PPP3CA: variants seen among roughly 807,000 people sequenced by gnomAD.
PPP3CA encodes CAM-PRP catalytic subunit.
PPP3CA carries 14 observed loss-of-function variants against 66.5 expected under a neutral mutation model. The observed-to-expected ratio is 0.21, with a 90% CI of 0.14 to 0.33. The LOEUF is 0.33. Ranked by LOEUF, PPP3CA falls within the 10% of genes least tolerant of loss-of-function variation. PPP3CA has a pLI of 1.00. For missense variants in PPP3CA, 317 were observed against 639.5 expected, an observed-to-expected ratio of 0.50 and a Z score of 5.44; for synonymous variants, 232 against 226.2, an observed-to-expected ratio of 1.03 and a Z score of -0.23.
In PPP3CA at chr4:101,154,952, G is replaced by A. The variant is rs191590021; in HGVS notation, c.259+40964C>T. Among the ~76,000 whole-genome samples, 599 of 151,634 alleles carry A rather than the reference G, an allele frequency of 4.0e-3. 6 individuals carry two copies. Among genetic ancestry groups the A allele is most frequent in the African/African-American group, 0.014 (565 of 41,298 alleles). The stretch of plus-strand genomic sequence containing the variant: ...CTACCTCAGCCTTCAGAGTAGCTGG[G>A]ACTACAGGTGCCTGCCACCACACCC... On this transcript the variant is annotated intron_variant, in intron 2 of 13. Transcript: ENST00000394854.
intron 1 of PPP3CA, among the ~76,000 whole-genome samples, chr4:101,229,532 T>C (rs1441895690): frequency 6.6e-6 from 1 of 151,726 alleles, no homozygotes; most frequent in African/African-American, 2.4e-5. Flanking sequence ...AGAACTGTAT[T>C]TGCTTCCTAT....
chr4:101,094,860 G>C (rs1730122963), intron 5 of PPP3CA, among the ~76,000 whole-genome samples: 2 of 152,036 alleles, frequency 1.3e-5, no homozygotes, highest in African/African-American at 4.8e-5. Flanking sequence ...AAAGGCTCTT[G>C]AATAAAAGCA....
intron 1 of PPP3CA, among the ~76,000 whole-genome samples, chr4:101,251,017 GT>G (rs2110244489): frequency 1.3e-5 from 2 of 152,078 alleles, no homozygotes; most frequent in East Asian, 3.9e-4. Flanking sequence ...AGAGAATAAT[GT>G]TTTCAATTTT....
At chr4:101,171,310 T>C (rs1276956769) in intron 2 of PPP3CA, 2 of 418,178 alleles carry the variant, frequency 4.8e-6, no homozygotes, top group African/African-American at 4.2e-5. Flanking sequence ...TAAAGCTCCA[T>C]AGTTGGTTCT....
At chr4:101,090,552 G>GA (rs1729868137) in intron 6 of PPP3CA, among the ~76,000 whole-genome samples, 1 of 144,950 alleles carries the variant, frequency 6.9e-6, no homozygotes, top group Admixed American at 7.2e-5. Context: ...TGAGACAGGA[G>GA]AATCGCTTGA....
intron 1 of PPP3CA, among the ~76,000 whole-genome samples, chr4:101,298,036 G>A (rs925455506): frequency 1.3e-5 from 2 of 151,924 alleles, no homozygotes; most frequent in African/African-American, 2.4e-5. Context: ...ATTCTCACGC[G>A]GCTTTCTCAG....
intron 2 of PPP3CA, among the ~76,000 whole-genome samples, chr4:101,148,431 T>C (rs1185188370): frequency 2.0e-5 from 3 of 152,150 alleles, no homozygotes; most frequent in Non-Finnish European, 4.4e-5. Flanking sequence ...GTCTTGATCA[T>C]GAAAGCTAAT....
intron 1 of PPP3CA, among the ~76,000 whole-genome samples, chr4:101,197,990 G>A (rs1724854013): frequency 1.3e-5 from 2 of 152,068 alleles, no homozygotes; most frequent in African/African-American, 4.8e-5. Context: ...AATACTGAGA[G>A]ATATTTATTT....
At chr4:101,063,195 T>C in intron 9 of PPP3CA, 37 bp downstream of exon 9, 1 of 1,599,320 alleles carries the variant, frequency 6.3e-7, no homozygotes, top group African/African-American at 1.3e-5. Flanking sequence ...CTTCCTAAAC[T>C]ATTTTAAGAA....
At chr4:101,033,793 C>T (rs887379611) in intron 11 of PPP3CA, among the ~76,000 whole-genome samples, 4 of 152,200 alleles carry the variant, frequency 2.6e-5, no homozygotes, top group African/African-American at 9.6e-5. Flanking sequence ...CTCCCTATTT[C>T]CTTCAGCCCT....
intron 1 of PPP3CA, among the ~76,000 whole-genome samples, chr4:101,287,462 T>G (rs1727880712): frequency 6.6e-6 from 1 of 152,106 alleles, no homozygotes; most frequent in African/African-American, 2.4e-5. Flanking sequence ...GTTTTGAAAA[T>G]ATTCAGCATA....
At chr4:101,272,260 A>G (rs1416812483) in intron 1 of PPP3CA, among the ~76,000 whole-genome samples, 1 of 152,192 alleles carries the variant, frequency 6.6e-6, no homozygotes, top group African/African-American at 2.4e-5. Context: ...CATTTATCCC[A>G]TAACTACCTT....
At chr4:101,271,148 A>G (rs1270717360) in intron 1 of PPP3CA, among the ~76,000 whole-genome samples, 1 of 152,070 alleles carries the variant, frequency 6.6e-6, no homozygotes, top group Non-Finnish European at 1.5e-5. Context: ...GTCTTCTCAA[A>G]TCTTCTGGAT....
At chr4:101,166,696 G>C (rs1412174635) in intron 2 of PPP3CA, among the ~76,000 whole-genome samples, 5 of 152,096 alleles carry the variant, frequency 3.3e-5, no homozygotes, top group Admixed American at 6.6e-5. Context: ...GCCAATATTT[G>C]AAAAGTATTT....
chr4:101,308,105 A>G (rs1168957632), intron 1 of PPP3CA, among the ~76,000 whole-genome samples: 1 of 152,200 alleles, frequency 6.6e-6, no homozygotes, highest in African/African-American at 2.4e-5. Context: ...CTTTATAATG[A>G]CTCATGTCCA....
chr4:101,326,291 G>A (rs984653509), intron 1 of PPP3CA, among the ~76,000 whole-genome samples: 2 of 152,060 alleles, frequency 1.3e-5, no homozygotes, highest in Admixed American at 6.5e-5. Flanking sequence ...ATTCCAGCTT[G>A]ATCACTTACT....
At chr4:101,038,230 C>G (rs984935973) in intron 11 of PPP3CA, among the ~76,000 whole-genome samples, 11 of 152,160 alleles carry the variant, frequency 7.2e-5, no homozygotes, top group African/African-American at 2.4e-4. Context: ...TCTCCCTGCC[C>G]TGGAATCCAG....
At chr4:101,276,956 T>C (rs1561721) in intron 1 of PPP3CA, among the ~76,000 whole-genome samples, 99,401 of 152,032 alleles carry the variant, frequency 0.65, 33,591 homozygotes, top group Non-Finnish European at 0.75. Context: ...AAATGTATAA[T>C]GACATCTATC....
At chr4:101,289,514 T>G (rs1727951220) in intron 1 of PPP3CA, among the ~76,000 whole-genome samples, 1 of 152,214 alleles carries the variant, frequency 6.6e-6, no homozygotes, top group South Asian at 2.1e-4. Context: ...TCCAGTTGCC[T>G]TCCTCATTTT....
Sources: gnomAD v4.1 joint callset for allele counts (sites outside exome capture counted in the v4.1 genomes callset) on GRCh38, gnomAD v4.1.1 for gene constraint, MANE v1.5 for transcripts, NCBI Gene and HGNC (gene_info 2026-07-23, HGNC 2026-07-21) for gene names.